MPP4: variants seen among roughly 807,000 people sequenced by gnomAD.
MPP4 encodes the protein MAGUK p55 scaffold protein 4, also known as MAGUK p55 subfamily member 4.
MPP4 carries 91 observed loss-of-function variants against 98.3 expected under a neutral mutation model. The observed-to-expected ratio is 0.93, with a 90% CI of 0.78 to 1.10. The LOEUF (loss-of-function observed/expected upper bound fraction) is 1.10, where lower values mean the gene tolerates loss of function less well. Ranked by LOEUF, MPP4 falls within the 50% of genes least tolerant of loss-of-function variation. The pLI is 0.00. For missense variants in MPP4, 744 were observed against 792.9 expected, an observed-to-expected ratio of 0.94 and a Z score of 0.74; for synonymous variants, 261 against 271.8, an observed-to-expected ratio of 0.96 and a Z score of 0.39.
chr2:201,669,706 A>T, intron 12 of MPP4, 27 bp downstream of exon 12: 1 of 1,402,212 alleles, frequency 7.1e-7, no homozygotes, highest in Non-Finnish European at 9.4e-7. Flanking sequence ...TGGAGATAAG[A>T]GTTTTTTCCT....
intron 1 of MPP4, chr2:201,698,201 C>T: frequency 1.9e-6 from 1 of 533,222 alleles, no homozygotes; most frequent in South Asian, 5.5e-5. Flanking sequence ...ACCCCCTACC[C>T]TTACTATGCT....
At chr2:201,667,992 A>T (rs958360558) in intron 12 of MPP4, among the ~76,000 whole-genome samples, 1 of 152,200 alleles carries the variant, frequency 6.6e-6, no homozygotes, top group African/African-American at 2.4e-5. Context: ...TTAATTTCCT[A>T]GTTAAATAAT....
intron 14 of MPP4, chr2:201,661,691 T>C (rs1447608207): frequency 2.2e-6 from 1 of 446,116 alleles, no homozygotes; most frequent in Non-Finnish European, 4.5e-6. Flanking sequence ...TTCATATAAA[T>C]TATTGTTGCC....
intron 15 of MPP4, 37 bp from the exon 16 acceptor site, chr2:201,658,555 G>A: frequency 1.3e-6 from 2 of 1,578,334 alleles, no homozygotes; most frequent in African/African-American, 1.4e-5. Context: ...GAATATGTGA[G>A]AGCGAGAAGT....
chr2:201,655,013 G>C (rs1378079296), intron 17 of MPP4, 96 bp from the exon 18 acceptor site: 1 of 740,162 alleles, frequency 1.4e-6, no homozygotes, highest in African/African-American at 1.8e-5. Context: ...GAAGAAACTT[G>C]AGAGCAAATA....
chr2:201,666,665 AGT>A (rs1161285853), intron 12 of MPP4: 1 of 200,086 alleles, frequency 5.0e-6, no homozygotes, highest in African/African-American at 2.3e-5. Context: ...CAGAGGTTGC[AGT>A]GAGTCGAGAT....
intron 18 of MPP4, chr2:201,651,140 A>C (rs1687702896): frequency 2.0e-6 from 2 of 985,270 alleles, no homozygotes; most frequent in African/African-American, 3.5e-5. Flanking sequence ...GTGTATTTGC[A>C]TCTGACAAAG....
At chr2:201,669,822 T>A in intron 11 of MPP4, 72 bp from the exon 12 acceptor site, 1 of 1,171,238 alleles carries the variant, frequency 8.5e-7, no homozygotes, top group Non-Finnish European at 1.1e-6. Flanking sequence ...TTTCTCAGAT[T>A]AATTTACAAT....
chr2:201,670,347 A>T (rs949368802), intron 11 of MPP4, among the ~76,000 whole-genome samples: 3 of 152,202 alleles, frequency 2.0e-5, no homozygotes, highest in Non-Finnish European at 4.4e-5. Flanking sequence ...TAATTGAAGG[A>T]TCATCTATAA....
At chr2:201,673,385 C>T (rs1188149071) in intron 11 of MPP4, 1 of 152,652 alleles carries the variant, frequency 6.6e-6, no homozygotes, top group Non-Finnish European at 1.5e-5. Context: ...CACGTCGACA[C>T]AGGGAGGGGA....
At chr2:201,673,420 G>T (rs891743820) in intron 11 of MPP4, 2 of 153,872 alleles carry the variant, frequency 1.3e-5, no homozygotes, top group African/African-American at 4.8e-5. Flanking sequence ...GGGCCTGTTG[G>T]CCGGTGGGGG....
intron 16 of MPP4, among the ~76,000 whole-genome samples, chr2:201,657,610 T>TG (rs61409898): frequency 0.13 from 17,941 of 137,602 alleles, 2,492 homozygotes; most frequent in African/African-American, 0.19. Context: ...TGTTTTTTTG[T>TG]TTTTTTTTGC....
In MPP4 at chr2:201,645,012, A is replaced by T; in HGVS notation, c.*198T>A. ...TCTACCACAGCTGCATATGAGGTAA[A>T]GGAAAAAAAATTAAGTTAAAATAGG... On this transcript the variant is annotated 3_prime_UTR_variant, in exon 22 of 22. Transcript: ENST00000409474. The T allele has an allele frequency of 2.8e-6, 1 of 358,960 alleles. No homozygotes were observed. Among genetic ancestry groups the T allele is most frequent in the Non-Finnish European group, 4.8e-6 (1 of 209,372 alleles). 22.2% of individuals were successfully genotyped at this position (358,960 alleles called of 1,614,324 possible).
chr2:201,681,634 C>T (rs1553496203), intron 8 of MPP4, 67 bp from the exon 9 acceptor site: 1 of 1,182,210 alleles, frequency 8.5e-7, no homozygotes, highest in East Asian at 2.4e-5. Context: ...GCTCGGTGGA[C>T]AGAGTTACAG....
intron 10 of MPP4, among the ~76,000 whole-genome samples, chr2:201,675,700 T>C (rs1688490036): frequency 6.6e-6 from 1 of 152,206 alleles, no homozygotes; most frequent in South Asian, 2.1e-4. Context: ...CCTTTCTTGA[T>C]CTCTAGCATC....
Position 201,685,902 on chromosome 2 carries a change from A to C in MPP4, c.492+17T>G. 1 of 1,607,638 alleles carries C rather than the reference A, an allele frequency of 6.2e-7. No homozygotes were observed. ...TAAGCTTACCCTAAATGGAAAGATA[A>C]AAAATGATTTCCTTACCAGGGGCTG... is the stretch of plus-strand genomic sequence containing the variant. On this transcript the variant is annotated intron_variant, in intron 6 of 21. Transcript: ENST00000409474.
chr2:201,664,696 G>A (rs1688122913), intron 13 of MPP4, among the ~76,000 whole-genome samples: 1 of 152,186 alleles, frequency 6.6e-6, no homozygotes. Flanking sequence ...TGAAATACAT[G>A]GCAACATTAC....
In MPP4 at chr2:201,693,939, T is replaced by G. The variant is rs771666905; in HGVS notation, c.16A>C (p.Lys6Gln). 4 of 1,614,022 alleles carry G rather than the reference T, an allele frequency of 2.5e-6. No individual in the cohort carries two copies. The East Asian group carries it at 6.7e-5, about 27-fold the overall frequency. Residue 6 changes from lysine to glutamine, a missense_variant, in exon 2 of 22, where the codon AAA becomes CAA. Transcript: ENST00000409474. MIQSD[K>Q]GADPPDKKDM... ...TTCTTGTCTGGTGGATCTGCTCCTT[T>G]GTCTGACTGTATCATCCTCCCTGCC...
intron 21 of MPP4, among the ~76,000 whole-genome samples, chr2:201,645,657 A>ATT (rs556964874): frequency 6.9e-6 from 1 of 145,602 alleles, no homozygotes; most frequent in Non-Finnish European, 1.5e-5. Flanking sequence ...AGATAAAATA[A>ATT]TTTTTTTTTT....
Sources: allele counts gnomAD v4.1 joint callset (sites outside exome capture counted in the v4.1 genomes callset), GRCh38; gene constraint gnomAD v4.1.1; transcripts MANE v1.5; gene names NCBI Gene and HGNC (gene_info 2026-07-23, HGNC 2026-07-21).